Variants in MGA observed in about 807,000 individuals in gnomAD.
MGA encodes MAX gene-associated protein.
A neutral mutation model predicts 261.1 loss-of-function variants in MGA; 40 were observed. That is an observed-to-expected ratio of 0.15 (90% CI 0.12 to 0.20). The LOEUF (loss-of-function observed/expected upper bound fraction) is 0.20, where lower values mean the gene tolerates loss of function less well. Ranked by LOEUF, MGA falls within the 10% of genes least tolerant of loss-of-function variation. The pLI is 1.00. For synonymous variants in MGA, 1,302 were observed against 1,290.6 expected (o/e 1.01, Z -0.19); for missense variants, 3,397 against 3,630.5 (o/e 0.94, Z 1.65).
At chr15:41,707,116 A>G (rs895334347) in intron 5 of MGA, among the ~76,000 whole-genome samples, 1 of 152,218 alleles carries the variant, frequency 6.6e-6, no homozygotes, top group Non-Finnish European at 1.5e-5. Context: ...ACAAAGAGTT[A>G]AAGCACAAGA....
chr15:41,678,115 G>C (rs1026094877), intron 2 of MGA, among the ~76,000 whole-genome samples: 12 of 146,392 alleles, frequency 8.2e-5, no homozygotes, highest in African/African-American at 2.8e-4. Flanking sequence ...TTTTGAGACA[G>C]AGTCTTGCTC....
At chr15:41,648,125 T>C (rs2056970821) in intron 1 of MGA, among the ~76,000 whole-genome samples, 1 of 152,260 alleles carries the variant, frequency 6.6e-6, no homozygotes, top group African/African-American at 2.4e-5. Context: ...TCTGCAAATA[T>C]GTGAATGCTT....
chr15:41,695,737 A>G (rs1162211145), intron 2 of MGA, among the ~76,000 whole-genome samples: 3 of 152,202 alleles, frequency 2.0e-5, no homozygotes, highest in African/African-American at 7.2e-5. Context: ...CATCATGACT[A>G]TACTAAAAAC....
intron 1 of MGA, among the ~76,000 whole-genome samples, chr15:41,642,043 C>T (rs1387235944): frequency 6.6e-6 from 1 of 152,114 alleles, no homozygotes; most frequent in African/African-American, 2.4e-5. Flanking sequence ...TCAAGCAGTC[C>T]TCCTGCCTTG....
intron 10 of MGA, 120 bp downstream of exon 10, chr15:41,727,526 T>C: frequency 1.1e-6 from 1 of 897,738 alleles, no homozygotes; most frequent in Admixed American, 2.6e-5. Context: ...AATATGTTTA[T>C]AAGATATCTT....
upstream of MGA, among the ~76,000 whole-genome samples, chr15:41,658,052 T>C (rs1409756657): frequency 6.6e-6 from 1 of 152,230 alleles, no homozygotes; most frequent in East Asian, 1.9e-4. Flanking sequence ...AGTGTGCATG[T>C]AAATGAGATA....
intron 2 of MGA, among the ~76,000 whole-genome samples, chr15:41,682,953 T>C (rs1595702047): frequency 6.6e-6 from 1 of 152,206 alleles, no homozygotes; most frequent in East Asian, 1.9e-4. Context: ...CCCAGCCTCA[T>C]CTCTCTTCAC....
intron 18 of MGA, among the ~76,000 whole-genome samples, chr15:41,754,947 A>C (rs1037904437): frequency 6.6e-6 from 1 of 152,262 alleles, no homozygotes; most frequent in African/African-American, 2.4e-5. Context: ...TGCAACTAGC[A>C]TAATAACTGA....
chr15:41,644,421 C>G (rs1010940785), intron 1 of MGA, among the ~76,000 whole-genome samples: 1 of 150,818 alleles, frequency 6.6e-6, no homozygotes, highest in African/African-American at 2.4e-5. Context: ...TTAGGGAGGC[C>G]GAGGTTGGAG....
At chr15:41,757,634 G>A (rs1391295294) in intron 18 of MGA, among the ~76,000 whole-genome samples, 154 bp from the exon 19 acceptor site, 1 of 152,124 alleles carries the variant, frequency 6.6e-6, no homozygotes, top group Non-Finnish European at 1.5e-5. Flanking sequence ...CACTTTTAGA[G>A]AAAATATATA....
In MGA at chr15:41,696,868, T is replaced by G. The variant is rs2059569407; in HGVS notation, c.1858T>G (p.Leu620Val). 4 of 1,598,056 alleles carry G rather than the reference T, an allele frequency of 2.5e-6. No individual in the cohort carries two copies. Among genetic ancestry groups the G allele is most frequent in the Non-Finnish European group, 3.4e-6 (4 of 1,172,054 alleles). Residue 620 changes from leucine to valine, a missense_variant, in exon 3 of 24, where the codon TTG becomes GTG. Physicochemically the swap from Leu to Val is conservative, Grantham distance 32. Around this residue, in one of 9 missense-constraint regions of MGA, gnomAD observed 563 missense variants for 563.6 expected, o/e 1.00. Coordinates refer to ENST00000219905, the MANE Select transcript of MGA (RefSeq NM_001164273.2). ...TGGAAAAAGAGGAAGGCCACGAAAA[T>G]TGAAACTCTGTAAGGCAGGACGACC...
chr15:41,704,386 G>A (rs931008835), intron 5 of MGA, among the ~76,000 whole-genome samples: 13 of 152,086 alleles, frequency 8.5e-5, no homozygotes, highest in East Asian at 1.9e-4. Flanking sequence ...GCGGCCAGGC[G>A]CGGTGGCTCA....
intron 15 of MGA, among the ~76,000 whole-genome samples, chr15:41,744,949 G>C (rs537740311): frequency 4.1e-4 from 63 of 152,298 alleles, no homozygotes; most frequent in African/African-American, 1.5e-3. Context: ...CACCATCTCA[G>C]CTCACTGCAA....
chr15:41,693,499 A>G (rs1259353479), intron 2 of MGA, among the ~76,000 whole-genome samples: 4 of 152,184 alleles, frequency 2.6e-5, no homozygotes, highest in African/African-American at 9.7e-5. Flanking sequence ...TTGTGCAAGG[A>G]ACAAGTAACT....
chr15:41,700,671 A>G (rs2059802885), intron 5 of MGA, among the ~76,000 whole-genome samples: 1 of 152,158 alleles, frequency 6.6e-6, no homozygotes, highest in African/African-American at 2.4e-5. Context: ...TTAAAAAAAC[A>G]TATCTACTAT....
Position 41,766,262 on chromosome 15 carries a change from A to T in MGA, c.8180A>T (p.Tyr2727Phe). 1.9e-6 allele frequency: 3 copies of T among 1,614,026 alleles called. No homozygotes were observed. The highest frequency in any genetic ancestry group is 2.5e-6 in the Non-Finnish European group (3 of 1,179,888). Residue 2727 changes from tyrosine to phenylalanine, a missense_variant, in exon 24 of 24, where the codon TAT (tyrosine) becomes TTT (phenylalanine). Physicochemically the swap from Tyr to Phe is conservative, Grantham distance 22. Around this residue, in one of 9 missense-constraint regions of MGA, gnomAD observed 647 missense variants for 642.4 expected, o/e 1.01. Transcript: ENST00000219905. ...TTTCTGGCAAACAAAGATTCTGGTT[A>T]TCCACAAATAGTTGACGTTTCCAAT...
rs962226301 is a variant in MGA at position 41,689,838 on chromosome 15, G to C, written c.1065-6237G>C. 3.3e-5 allele frequency among the ~76,000 whole-genome samples: 5 copies of C among 152,002 alleles called. No homozygotes were observed. The East Asian group carries it at 7.7e-4, about 24-fold the overall frequency. ...ACCTCAGCCTCAGCCACCACACCTGGCCCATATTGTTTCATTTTCTAACAG... is the reference window on the plus strand; with the variant it reads ...ACCTCAGCCTCAGCCACCACACCTGCCCCATATTGTTTCATTTTCTAACAG... On this transcript the variant is annotated intron_variant, in intron 2 of 23. Transcript: ENST00000219905.
At chr15:41,698,018 G>A (rs553009302) in intron 3 of MGA, among the ~76,000 whole-genome samples, 20 of 139,240 alleles carry the variant, frequency 1.4e-4, no homozygotes, top group Middle Eastern at 9.8e-3. Context: ...ACAGGTGCTC[G>A]CCACCATGCC....
intron 1 of MGA, among the ~76,000 whole-genome samples, chr15:41,632,113 C>T (rs188049450): frequency 3.9e-5 from 6 of 152,258 alleles, no homozygotes; most frequent in East Asian, 3.9e-4. Context: ...CTCCCTCATA[C>T]GCAACTTGTT....
Sources: gnomAD v4.1 joint callset for allele counts (sites outside exome capture counted in the v4.1 genomes callset) on GRCh38, gnomAD v4.1.1 for gene constraint, gnomAD v4.1.1 regional missense constraint, MANE v1.5 for transcripts, NCBI Gene and HGNC (gene_info 2026-07-23, HGNC 2026-07-21) for gene names.